DCBLD1: variants seen among roughly 807,000 people sequenced by gnomAD.
DCBLD1 encodes discoidin, CUB and LCCL domain-containing protein 1.
A neutral mutation model predicts 71.5 loss-of-function variants in DCBLD1; 57 were observed. That is an observed-to-expected ratio of 0.80 (90% CI 0.64 to 0.99). DCBLD1 has a LOEUF of 0.99. Among genes scored for constraint, DCBLD1 ranks in the 50% least tolerant of loss-of-function variants. DCBLD1 has a pLI of 0.00. For missense variants in DCBLD1, 891 were observed against 923.5 expected, an observed-to-expected ratio of 0.96 and a Z score of 0.46; for synonymous variants, 380 against 363.8, an observed-to-expected ratio of 1.04 and a Z score of -0.51.
intron 2 of DCBLD1, among the ~76,000 whole-genome samples, chr6:117,518,442 C>T (rs1335415708): frequency 3.3e-5 from 5 of 152,224 alleles, no homozygotes; most frequent in Non-Finnish European, 1.5e-5. Flanking sequence ...GCCTGTTACC[C>T]AGTTCCAAAG....
rs1249024066 is a variant in DCBLD1 at position 117,538,693 on chromosome 6, G to A, written c.834G>A (p.Glu278=). The A allele has an allele frequency of 6.2e-7, 1 of 1,614,154 alleles. No individual in the cohort carries two copies. Among genetic ancestry groups the A allele is most frequent in the Non-Finnish European group, 8.5e-7 (1 of 1,180,032 alleles). ...CTTCCTCATGGCAGTCGGTCAATGA[G>A]AGTGGAGACCAAGTTCACTGGTCTC... ...RASSSWQSVN[E]SGDQVHWSPG... Residue 278 remains glutamate, a synonymous_variant, in exon 8 of 15, where the codon GAG becomes GAA. Transcript: ENST00000338728.
intron 9 of DCBLD1, chr6:117,540,416 T>C (rs1450013201): frequency 1.2e-5 from 5 of 426,184 alleles, no homozygotes; most frequent in Non-Finnish European, 2.1e-5. Flanking sequence ...GGTCAAATAA[T>C]ACAACAAGGC....
intron 3 of DCBLD1, among the ~76,000 whole-genome samples, chr6:117,520,293 C>G (rs577218390): frequency 2.0e-5 from 3 of 152,162 alleles, no homozygotes; most frequent in Non-Finnish European, 2.9e-5. Flanking sequence ...GGGCTGCATC[C>G]AAGGCCATCC....
intron 2 of DCBLD1, among the ~76,000 whole-genome samples, chr6:117,510,379 ACACG>A (rs1430745999): frequency 6.6e-6 from 1 of 151,408 alleles, no homozygotes; most frequent in Non-Finnish European, 1.5e-5. Flanking sequence ...ACACACACAC[ACACG>A]TAAAAGTAAA....
intron 14 of DCBLD1, among the ~76,000 whole-genome samples, chr6:117,568,050 T>A (rs960648063): frequency 7.2e-6 from 1 of 139,476 alleles, no homozygotes. Context: ...AAAAAAAAAA[T>A]TAGCTGGCCA....
chr6:117,553,776 T>C (rs773181712), downstream of DCBLD1, among the ~76,000 whole-genome samples: 2 of 152,188 alleles, frequency 1.3e-5, no homozygotes, highest in South Asian at 2.1e-4. Flanking sequence ...TAGGTGTTTT[T>C]TTTGTTGTTG....
In DCBLD1 at chr6:117,548,626, T is replaced by C. The variant is rs572693738; in HGVS notation, c.*187T>C. On this transcript the variant is annotated 3_prime_UTR_variant, in exon 15 of 15. Transcript: ENST00000338728. Reference sequence around the variant, plus strand: ...CTGTTTACAAAATTGTGCAGCTGGTTTCGTGCTGACCCTTAGGGTGCGTCT... The same window carrying C: ...CTGTTTACAAAATTGTGCAGCTGGTCTCGTGCTGACCCTTAGGGTGCGTCT... 49 of 1,433,582 alleles carry C rather than the reference T, an allele frequency of 3.4e-5. No individual in the cohort carries two copies. The African/African-American group carries it at 6.0e-4, about 18-fold the overall frequency. 88.8% of individuals were successfully genotyped at this position (1,433,582 alleles called of 1,614,324 possible).
chr6:117,490,843 A>G (rs1243531282), intron 1 of DCBLD1, among the ~76,000 whole-genome samples: 1 of 152,216 alleles, frequency 6.6e-6, no homozygotes. Context: ...TTGCAAACTA[A>G]TAATATGTAT....
intron 5 of DCBLD1, among the ~76,000 whole-genome samples, chr6:117,532,041 T>C (rs1778738939): frequency 6.6e-6 from 1 of 152,140 alleles, no homozygotes; most frequent in South Asian, 2.1e-4. Flanking sequence ...TTCACTCACA[T>C]GTGTAGCAGT....
At chr6:117,542,143 A>C (rs1453169476) in intron 11 of DCBLD1, among the ~76,000 whole-genome samples, 1 of 152,068 alleles carries the variant, frequency 6.6e-6, no homozygotes, top group Non-Finnish European at 1.5e-5. Flanking sequence ...AATACAAAAA[A>C]TTAGCTGGGC....
chr6:117,526,240 C>G (rs1039382548), intron 5 of DCBLD1, among the ~76,000 whole-genome samples: 3 of 152,106 alleles, frequency 2.0e-5, no homozygotes, highest in Non-Finnish European at 4.4e-5. Context: ...CTGGGAACAG[C>G]AGATTTTGTT....
intron 14 of DCBLD1, 61 bp from the exon 15 acceptor site, chr6:117,547,846 G>T: frequency 3.9e-6 from 6 of 1,549,636 alleles, no homozygotes; most frequent in Non-Finnish European, 5.2e-6. Flanking sequence ...ATCCCCGTCT[G>T]CCACTGACAG....
intron 1 of DCBLD1, among the ~76,000 whole-genome samples, chr6:117,489,062 T>G (rs1275910412): frequency 6.6e-6 from 1 of 152,174 alleles, no homozygotes; most frequent in African/African-American, 2.4e-5. Flanking sequence ...GTCTGTTCTG[T>G]GTTGCTGTAA....
chr6:117,502,127 G>A (rs535362476), intron 1 of DCBLD1, among the ~76,000 whole-genome samples: 9 of 152,074 alleles, frequency 5.9e-5, no homozygotes, highest in African/African-American at 1.4e-4. Flanking sequence ...TTCCTGTAGC[G>A]TTGTCCAGCC....
chr6:117,547,068 T>C (rs753057775), intron 14 of DCBLD1, among the ~76,000 whole-genome samples: 3 of 152,240 alleles, frequency 2.0e-5, no homozygotes, highest in Non-Finnish European at 2.9e-5. Context: ...GTTTGTGACT[T>C]CTATGTGCAT....
chr6:117,545,451 A>T (rs774611045), intron 13 of DCBLD1, 27 bp from the exon 14 acceptor site: 2 of 1,610,666 alleles, frequency 1.2e-6, no homozygotes, highest in East Asian at 4.5e-5. Flanking sequence ...TGACATATTC[A>T]TTTGGTTTAT....
At chr6:117,556,267 A>T (rs1452281359) in intron 14 of DCBLD1, among the ~76,000 whole-genome samples, 1 of 152,140 alleles carries the variant, frequency 6.6e-6, no homozygotes, top group African/African-American at 2.4e-5. Flanking sequence ...GGTTTTGTAC[A>T]TGCATATATT....
intron 1 of DCBLD1, among the ~76,000 whole-genome samples, chr6:117,502,611 C>T (rs1777701382): frequency 6.6e-6 from 1 of 152,196 alleles, no homozygotes; most frequent in Non-Finnish European, 1.5e-5. Context: ...CTCAGATTCA[C>T]AGTATACCCA....
chr6:117,486,402 C>G (rs1777086382), intron 1 of DCBLD1, among the ~76,000 whole-genome samples: 1 of 152,162 alleles, frequency 6.6e-6, no homozygotes, highest in South Asian at 2.1e-4. Flanking sequence ...TAAAACAAAT[C>G]AATAAATGTT....
Sources: allele counts gnomAD v4.1 joint callset (sites outside exome capture counted in the v4.1 genomes callset), GRCh38; gene constraint gnomAD v4.1.1; transcripts MANE v1.5; gene names NCBI Gene and HGNC (gene_info 2026-07-23, HGNC 2026-07-21).